Variants in CASKIN2 observed in about 807,000 individuals in gnomAD.
CASKIN2 encodes caskin-2.
CASKIN2 carries 41 observed loss-of-function variants against 107.1 expected under a neutral mutation model. The observed-to-expected ratio is 0.38, with a 90% CI of 0.30 to 0.50. The LOEUF (loss-of-function observed/expected upper bound fraction) is 0.50. Among genes scored for constraint, CASKIN2 ranks in the 20% least tolerant of loss-of-function variants. The probability of loss-of-function intolerance (pLI) is 0.92; values close to 1 mark genes in which losing one functional copy is unlikely to be tolerated. For synonymous variants in CASKIN2, 724 were observed against 705.6 expected (o/e 1.03, Z -0.41); for missense variants, 1,546 against 1,657.4 (o/e 0.93, Z 1.17).
At position 75,500,835 on chromosome 17, in the gene CASKIN2, G is replaced by C. The variant is rs1190721371; in HGVS notation, c.*245C>G. On this transcript the variant is annotated 3_prime_UTR_variant, in exon 20 of 20. Transcript: ENST00000321617. ...AGGAGCAGGGCTGTCCTGCTCAATC[G>C]ATCAAACCCTGGGAGGGGCTTTGCT... The C allele has an allele frequency of 2.0e-6, 1 of 509,470 alleles. No homozygotes were observed. The highest frequency in any genetic ancestry group is 3.3e-5 in the Admixed American group (1 of 30,328). 31.6% of individuals were successfully genotyped at this position (509,470 alleles called of 1,614,324 possible). A position where few individuals can be genotyped will look rare whatever the true frequency, so the allele number is the denominator to read the frequency against.
In CASKIN2 at chr17:75,502,387, T is replaced by C; in HGVS notation, c.2687A>G (p.Lys896Arg). Reference protein sequence around the residue: ...PPPLDESPGPKEGATGPRRRT... With the variant: ...PPPLDESPGPREGATGPRRRT... The stretch of plus-strand genomic sequence containing the variant: ...CCTTCGGGGCCCTGTGGCCCCTTCC[T>C]TGGGCCCTGGGCTCTCATCTAGTGG... Residue 896 changes from lysine (K) to arginine (R), a missense_variant, in exon 18 of 20, where the codon AAG (lysine) becomes AGG (arginine). Physicochemically the swap from Lys to Arg is conservative, Grantham distance 26 (BLOSUM62 2). This residue lies in a region of CASKIN2 where 1,311 missense variants were observed against 1,311.0 expected (regional missense o/e 1.00). Transcript: ENST00000321617. This position sits in a 1 kb window ranked among gnomAD's most constrained non-coding sequence, Gnocchi z 4.3. 6.8e-7 allele frequency: 1 copy of C among 1,475,436 alleles called. No individual in the cohort carries two copies. Among genetic ancestry groups the C allele is most frequent in the Non-Finnish European group, 9.0e-7 (1 of 1,114,958 alleles). 91.4% of individuals were successfully genotyped at this position (1,475,436 alleles called of 1,614,324 possible).
Position 75,505,676 on chromosome 17 carries a change from G to T in CASKIN2, c.836-25C>A. The T allele has an allele frequency of 6.2e-7, 1 of 1,604,336 alleles. No homozygotes were observed. The highest frequency in any genetic ancestry group is 8.5e-7 in the Non-Finnish European group (1 of 1,173,280). ...TCTAAGAAAACGGGGTGGGGGACAGGTGTCATCTAAGGGTCCTTAGGGCAT... is the reference window on the plus strand; with the variant it reads ...TCTAAGAAAACGGGGTGGGGGACAGTTGTCATCTAAGGGTCCTTAGGGCAT... On this transcript the variant is annotated intron_variant, in intron 9 of 19. Coordinates refer to ENST00000321617, the MANE Select transcript of CASKIN2 (RefSeq NM_020753.5). This position sits in a 1 kb window ranked among gnomAD's most constrained non-coding sequence, Gnocchi z 5.1.
chr17:75,501,755 T>C, intron 18 of CASKIN2, 24 bp downstream of exon 18: 2 of 1,528,008 alleles, frequency 1.3e-6, no homozygotes, highest in Admixed American at 2.0e-5. Context: ...CAGCAGTGAC[T>C]CTCCCACAGG....
At chr17:75,514,871 C>T (rs2053344000) in intron 1 of CASKIN2, among the ~76,000 whole-genome samples, 1 of 152,086 alleles carries the variant, frequency 6.6e-6, no homozygotes, top group African/African-American at 2.4e-5. Context: ...AGCTGGGGCA[C>T]TGCTGACAAA....
At chr17:75,507,949 A>T (rs1256508314) in intron 3 of CASKIN2, 6 of 581,686 alleles carry the variant, frequency 1.0e-5, no homozygotes, top group Non-Finnish European at 1.8e-5. Context: ...GAGGGCTCCT[A>T]CCCTCCAGGG....
rs774837212 is a variant in CASKIN2, at chr17:75,502,919, G to A, written c.2155C>T (p.Pro719Ser). 6.4e-7 allele frequency: 1 copy of A among 1,562,206 alleles called. No individual in the cohort carries two copies. The highest frequency in any genetic ancestry group is 8.7e-7 in the Non-Finnish European group (1 of 1,152,798). The change falls in exon 18 of 20, where the codon CCC (proline) becomes TCC (serine). Residue 719 changes from proline (P) to serine (S), a missense_variant. Physicochemically the swap from Pro to Ser is moderately conservative, Grantham distance 74 (BLOSUM62 -1). This residue lies in a region of CASKIN2 where 1,311 missense variants were observed against 1,311.0 expected (regional missense o/e 1.00). Coordinates refer to ENST00000321617, the MANE Select transcript of CASKIN2 (RefSeq NM_020753.5). The surrounding 1 kb of genome is among the most constrained non-coding windows in gnomAD (Gnocchi z 4.3). Reference protein sequence around the residue: ...GHSQEQPAPQPSGGDPSPPQE... With the variant: ...GHSQEQPAPQSSGGDPSPPQE... ...GGGGGGCTGGGATCTCCACCGCTGG[G>A]CTGTGGGGCAGGCTGTTCCTGTGAG... is the stretch of plus-strand genomic sequence containing the variant.
chr17:75,507,031 C>T lies in CASKIN2; in HGVS notation c.343G>A (p.Gly115Arg), dbSNP rs765767879. 3 of 1,612,956 alleles carry T rather than the reference C, an allele frequency of 1.9e-6. No homozygotes were observed. The highest frequency in any genetic ancestry group is 2.2e-5 in the South Asian group (2 of 91,084). Residue 115 changes from glycine to arginine, a missense_variant, in exon 5 of 20, where the codon GGA becomes AGA. By Grantham distance (125) the Gly-to-Arg change is moderately radical. This residue lies in a region of CASKIN2 where 136 missense variants were observed against 198.6 expected (regional missense o/e 0.68). Transcript: ENST00000321617. The part of the protein sequence containing the change: ...SAAVNAASLD[G>R]QIPLHLAAQY... ...GCAGCCAGGTGCAGGGGGATCTGTC[C>T]GTCCAGCGAGGCGGCATTGACAGCC... is the stretch of plus-strand genomic sequence containing the variant.
In CASKIN2 at chr17:75,505,216, C is replaced by A. The variant is rs937087389; in HGVS notation, c.931-143G>T. ...AGCTGGCCTCTGATGCCCACACTGG[C>A]CCAAGTTCCGCCCCTGCTGCCAGCA... On this transcript the variant is annotated intron_variant, in intron 10 of 19. Transcript: ENST00000321617. This position sits in a 1 kb window ranked among gnomAD's most constrained non-coding sequence, Gnocchi z 5.1. The A allele has an allele frequency of 1.8e-5, 17 of 946,870 alleles. No individual in the cohort carries two copies. Among genetic ancestry groups the A allele is most frequent in the South Asian group, 6.1e-5 (4 of 66,048 alleles). The allele number at this position is 946,870 out of a possible 1,614,324, so 58.7% of individuals were successfully genotyped here.
chr17:75,502,898 G>T lies in CASKIN2; in HGVS notation c.2176C>A (p.Pro726Thr), dbSNP rs567302317. The change falls in exon 18 of 20, where the codon CCC (proline) becomes ACC (threonine). Residue 726 changes from proline to threonine, a missense_variant. Coordinates refer to ENST00000321617, the MANE Select transcript of CASKIN2 (RefSeq NM_020753.5). The surrounding 1 kb of genome is among the most constrained non-coding windows in gnomAD (Gnocchi z 4.3). ...APQPSGGDPS[P>T]PQERNLPEGT... ...TCTGGGAGGTTCCTCTCCTGGGGGG[G>T]GCTGGGATCTCCACCGCTGGGCTGT... 12 of 1,546,842 alleles carry T rather than the reference G, an allele frequency of 7.8e-6. No homozygotes were observed. The highest frequency in any genetic ancestry group is 4.1e-5 in the African/African-American group (3 of 73,118).
chr17:75,510,851 C>A (rs1006840201), intron 2 of CASKIN2, among the ~76,000 whole-genome samples: 4 of 152,000 alleles, frequency 2.6e-5, no homozygotes, highest in African/African-American at 9.7e-5. Context: ...GGACTCCTTC[C>A]TGTGCACAGG....
rs534997073 is a variant in CASKIN2 at position 75,500,408 on chromosome 17, G to C, written c.*672C>G. ...TGTGGTCCGAAGCCCCTCCCCCATT[G>C]TGTCCTCTCAGGCAGTTGATAGAAT... On this transcript the variant is annotated 3_prime_UTR_variant, in exon 20 of 20. Coordinates refer to ENST00000321617, the MANE Select transcript of CASKIN2 (RefSeq NM_020753.5). 1 of 152,534 alleles carries C rather than the reference G, an allele frequency of 6.6e-6. No homozygotes were observed. The highest frequency in any genetic ancestry group is 1.5e-5 in the Non-Finnish European group (1 of 68,278). The allele number at this position is 152,534 out of a possible 1,614,324, so 9.4% of individuals were successfully genotyped here.
In CASKIN2 at chr17:75,505,063, T is replaced by A; in HGVS notation, c.941A>T (p.Gln314Leu). ...RAGDVITVLEQHPDGRWKGHI... is the reference protein window; with the variant it reads ...RAGDVITVLELHPDGRWKGHI... ...GCCCTTCCAGCGGCCGTCGGGATGC[T>A]GTTCTAGCACCTGCGGCCAGGGGTG... is the stretch of plus-strand genomic sequence containing the variant. The change falls in exon 11 of 20, where the codon CAG becomes CTG. Residue 314 changes from glutamine (Q) to leucine (L), a missense_variant. Gln to Leu is a moderately radical substitution (Grantham distance 113). Coordinates refer to ENST00000321617, the MANE Select transcript of CASKIN2 (RefSeq NM_020753.5). This position sits in a 1 kb window ranked among gnomAD's most constrained non-coding sequence, Gnocchi z 5.1. 7.3e-7 allele frequency: 1 copy of A among 1,365,338 alleles called. No individual in the cohort carries two copies. Among genetic ancestry groups the A allele is most frequent in the East Asian group, 4.1e-5 (1 of 24,224 alleles). The allele number at this position is 1,365,338 out of a possible 1,614,324, so 84.6% of individuals were successfully genotyped here. A position where few individuals can be genotyped will look rare whatever the true frequency, so the allele number is the denominator to read the frequency against.
At chr17:75,512,856 T>C (rs1421848530) in intron 2 of CASKIN2, among the ~76,000 whole-genome samples, 3 of 150,256 alleles carry the variant, frequency 2.0e-5, no homozygotes, top group African/African-American at 4.9e-5. Flanking sequence ...GCTGAGATCA[T>C]GCCACTGCAC....
At chr17:75,507,754 C>G in intron 3 of CASKIN2, 73 bp from the exon 4 acceptor site, 1 of 1,171,942 alleles carries the variant, frequency 8.5e-7, no homozygotes, top group Non-Finnish European at 1.2e-6. Context: ...CTTCCATACC[C>G]GAACCTATCC....
At position 75,502,120 on chromosome 17, in the gene CASKIN2, G is replaced by A. The variant is rs200970216; in HGVS notation, c.2954C>T (p.Thr985Met). 25 of 1,606,728 alleles carry A rather than the reference G, an allele frequency of 1.6e-5. No homozygotes were observed. Among genetic ancestry groups the A allele is most frequent in the Admixed American group, 6.7e-5 (4 of 59,984 alleles). Residue 985 changes from threonine (T) to methionine (M), a missense_variant, in exon 18 of 20, where the codon ACG (threonine) becomes ATG (methionine). This residue lies in a region of CASKIN2 where 1,311 missense variants were observed against 1,311.0 expected (regional missense o/e 1.00). Transcript: ENST00000321617. This position sits in a 1 kb window ranked among gnomAD's most constrained non-coding sequence, Gnocchi z 4.3. Reference protein sequence around the residue: ...PVPPGLDFNLTESDTVKRRPK... With the variant: ...PVPPGLDFNLMESDTVKRRPK... ...CCTCCGCTTAACAGTGTCTGATTCC[G>A]TGAGGTTGAAATCGAGGCCGGGGGG... is the stretch of plus-strand genomic sequence containing the variant.
Position 75,506,513 on chromosome 17 carries a change from G to A in CASKIN2, c.617+70C>T. The A allele has an allele frequency of 1.1e-5, 17 of 1,601,238 alleles. No homozygotes were observed. The highest frequency in any genetic ancestry group is 5.5e-5 in the South Asian group (5 of 90,554). ...AGAGCCCGGGTGAAAAGGGCAGTGG[G>A]GGAGAGCACTGAGGGGCACCGATGG... On this transcript the variant is annotated intron_variant, in intron 7 of 19. Transcript: ENST00000321617. This position sits in a 1 kb window ranked among gnomAD's most constrained non-coding sequence, Gnocchi z 4.8.
Position 75,514,006 on chromosome 17 carries a change from C to T in CASKIN2, c.-202G>A, listed in dbSNP as rs2053336090. On this transcript the variant is annotated 5_prime_UTR_variant, in exon 2 of 20. In the 5' UTR this introduces an upstream ATG that the reference lacks. Coordinates refer to ENST00000321617, the MANE Select transcript of CASKIN2 (RefSeq NM_020753.5). ...AGGTGCTCCGTGAACTGCCACCACA[C>T]GAAGGAAAGCTAATCTTTGAGGGGG... 3.4e-6 allele frequency: 2 copies of T among 590,192 alleles called. No homozygotes were observed. Among genetic ancestry groups the T allele is most frequent in the Non-Finnish European group, 3.0e-6 (1 of 330,698 alleles). 36.6% of individuals were successfully genotyped at this position (590,192 alleles called of 1,614,324 possible).
In CASKIN2 at chr17:75,505,644, T is replaced by G. The variant is rs1156578105; in HGVS notation, c.843A>C (p.Ser281=). 3 of 1,612,914 alleles carry G rather than the reference T, an allele frequency of 1.9e-6. No homozygotes were observed. The highest frequency in any genetic ancestry group is 4.5e-5 in the East Asian group (2 of 44,882). The change falls in exon 10 of 20, where the codon TCA becomes TCC. Residue 281 remains serine, a synonymous_variant. Coordinates refer to ENST00000321617, the MANE Select transcript of CASKIN2 (RefSeq NM_020753.5). This position sits in a 1 kb window ranked among gnomAD's most constrained non-coding sequence, Gnocchi z 5.1. ...REIKQLLREA[S]GILKVRALKD... ...TGAGCGCTCGGACCTTCAGGATCCC[T>G]GAGGCCTCTAAGAAAACGGGGTGGG...
rs763855349 is a variant in CASKIN2, at chr17:75,502,994, G to A, written c.2080C>T (p.Arg694Cys). ...CCGATGCTCTCCTGGCTGGGAGAGC[G>A]GGCAGGTGGGAGGGGGAGTGGTTCA... ...GPEPLPLPPA[R>C]SPSQESIGAR... The change falls in exon 18 of 20, where the codon CGC becomes TGC. Residue 694 changes from arginine to cysteine, a missense_variant. Coordinates refer to ENST00000321617, the MANE Select transcript of CASKIN2 (RefSeq NM_020753.5). The surrounding 1 kb of genome is among the most constrained non-coding windows in gnomAD (Gnocchi z 4.3). The A allele has an allele frequency of 3.1e-5, 50 of 1,605,658 alleles. No individual in the cohort carries two copies. Among genetic ancestry groups the A allele is most frequent in the East Asian group, 1.6e-4 (7 of 44,780 alleles).
Sources: allele counts gnomAD v4.1 joint callset (sites outside exome capture counted in the v4.1 genomes callset), GRCh38; gene constraint gnomAD v4.1.1; regional missense constraint gnomAD v4.1.1; non-coding constraint Gnocchi (gnomAD v3.1); transcripts MANE v1.5; gene names NCBI Gene and HGNC (gene_info 2026-07-23, HGNC 2026-07-21).